The following LOXL2 variants were observed in gnomAD, a reference collection of about 807,000 sequenced individuals.
LOXL2 encodes lysyl oxidase like 2, also known as lysyl oxidase homolog 2.
Under a neutral mutation model 93.0 loss-of-function variants are expected in LOXL2, and 70 were observed. The observed-to-expected ratio is 0.75, with a 90% CI of 0.62 to 0.92. The LOEUF (loss-of-function observed/expected upper bound fraction) is 0.92. Ranked by LOEUF, LOXL2 falls within the 40% of genes least tolerant of loss-of-function variation. The pLI, the probability that LOXL2 is intolerant of heterozygous loss-of-function variation, is 0.00. For missense variants in LOXL2, 973 were observed against 1,054.9 expected, an observed-to-expected ratio of 0.92 and a Z score of 1.08; for synonymous variants, 438 against 413.2, an observed-to-expected ratio of 1.06 and a Z score of -0.73.
chr8:23,322,309 T>C (rs1383405739), intron 6 of LOXL2, 28 bp from the exon 7 acceptor site: 6 of 1,601,436 alleles, frequency 3.7e-6, no homozygotes, highest in South Asian at 1.1e-5. Flanking sequence ...ACATGCTCTA[T>C]GAAAGCTTTG....
rs560477875 is a variant in LOXL2 at position 23,297,963 on chromosome 8, G to A, written c.*80C>T. 44 of 1,247,316 alleles carry A rather than the reference G, an allele frequency of 3.5e-5. No homozygotes were observed. The East Asian group carries it at 5.2e-4, about 15-fold the overall frequency. The allele number at this position is 1,247,316 out of a possible 1,614,324, so 77.3% of individuals were successfully genotyped here. On this transcript the variant is annotated 3_prime_UTR_variant, in exon 14 of 14. Coordinates refer to ENST00000389131, the MANE Select transcript of LOXL2 (RefSeq NM_002318.3). Reference sequence around the variant, plus strand: ...GGCTGGGTGAGGGCACGTGGCATTCGTTCAGACTCAGTTGTTGGGGGGAAG... The same window carrying A: ...GGCTGGGTGAGGGCACGTGGCATTCATTCAGACTCAGTTGTTGGGGGGAAG...
In LOXL2 at chr8:23,383,809, C is replaced by T. The variant is rs374792514; in HGVS notation, c.-83-15375G>A. 7.5e-4 allele frequency among the ~76,000 whole-genome samples: 113 copies of T among 151,582 alleles called. 1 individual carries two copies. In the East Asian group the frequency reaches 0.011, roughly 14 times the overall value. On this transcript the variant is annotated intron_variant, in intron 1 of 13. Transcript: ENST00000389131. ...CCGAGTAGCTGGGACTACAGGCGCC[C>T]GCCACCACGCCCGGCTAATTTTTTG...
At chr8:23,350,974 C>A (rs1804083016) in intron 3 of LOXL2, among the ~76,000 whole-genome samples, 1 of 152,260 alleles carries the variant, frequency 6.6e-6, no homozygotes, top group South Asian at 2.1e-4. Context: ...GACCACCCAC[C>A]ACACAACCTC....
At chr8:23,303,903 A>T (rs62503969) in intron 10 of LOXL2, among the ~76,000 whole-genome samples, 29,991 of 152,266 alleles carry the variant, frequency 0.2, 3,397 homozygotes, top group Middle Eastern at 0.27. Flanking sequence ...AAGAACAGGA[A>T]TAGTAAGGAA....
intron 1 of LOXL2, chr8:23,382,450 A>G (rs11786197): frequency 0.62 from 92,833 of 150,164 alleles, 28,944 homozygotes; most frequent in East Asian, 0.72. Context: ...CCGGGAGGCA[A>G]AGCTTGCAGT....
chr8:23,340,969 C>A, intron 4 of LOXL2, 23 bp downstream of exon 4: 3 of 1,599,858 alleles, frequency 1.9e-6, no homozygotes, highest in Non-Finnish European at 2.6e-6. Context: ...CTCAAAGCCA[C>A]CCCTTTGGTG....
intron 2 of LOXL2, among the ~76,000 whole-genome samples, chr8:23,360,994 A>G (rs1804280977): frequency 1.3e-5 from 2 of 151,530 alleles, no homozygotes; most frequent in African/African-American, 4.9e-5. Context: ...TCCGCCTCCC[A>G]GGTTCAAGTG....
Position 23,319,960 on chromosome 8 carries a change from G to A in LOXL2, c.1395C>T (p.Gly465=), listed in dbSNP as rs200820551. 2.5e-4 allele frequency: 403 copies of A among 1,614,044 alleles called. 4 individuals carry two copies. In the East Asian group the frequency reaches 8.0e-3, roughly 32 times the overall value. ...TGGCCTCCACGATGCCCCAGTTTTG[G>A]CCACACACCATCCCCCACACAAGGG... ...NGSLVWGMVC[G]QNWGIVEAMV... is the part of the protein sequence containing the mutation. The change falls in exon 8 of 14, where the codon GGC becomes GGT. Residue 465 remains glycine, a synonymous_variant. Coordinates refer to ENST00000389131, the MANE Select transcript of LOXL2 (RefSeq NM_002318.3).
Position 23,330,972 on chromosome 8 carries a change from G to A in LOXL2, c.967-2407C>T, listed in dbSNP as rs75784684. On this transcript the variant is annotated intron_variant, in intron 5 of 13. Coordinates refer to ENST00000389131, the MANE Select transcript of LOXL2 (RefSeq NM_002318.3). ...CTGAAATTGCCAGGAAGTCACTCCT[G>A]ATAGTTCCCACTCCCTCTGGTTGAG... 8.3e-3 allele frequency among the ~76,000 whole-genome samples: 1,271 copies of A among 152,250 alleles called. 75 individuals carry two copies. In the East Asian group the frequency reaches 0.16, roughly 19 times the overall value.
At chr8:23,399,244 G>A (rs1407471586) in intron 1 of LOXL2, among the ~76,000 whole-genome samples, 1 of 152,192 alleles carries the variant, frequency 6.6e-6, no homozygotes, top group Non-Finnish European at 1.5e-5. Flanking sequence ...TTCTCCAGGG[G>A]GAAATGGACG....
intron 3 of LOXL2, among the ~76,000 whole-genome samples, chr8:23,344,359 C>T (rs73224461): frequency 0.19 from 29,164 of 151,646 alleles, 2,855 homozygotes; most frequent in South Asian, 0.24. Context: ...TGTGTATGTG[C>T]ATGGTGGTGT....
intron 1 of LOXL2, among the ~76,000 whole-genome samples, chr8:23,386,848 C>G (rs192432686): frequency 3.3e-4 from 50 of 152,298 alleles, no homozygotes; most frequent in Admixed American, 7.8e-4. Flanking sequence ...GCTCCCTCCA[C>G]ACGCTCCAAA....
At chr8:23,352,431 C>A (rs1042292063) in intron 3 of LOXL2, among the ~76,000 whole-genome samples, 1 of 152,080 alleles carries the variant, frequency 6.6e-6, no homozygotes, top group Admixed American at 6.5e-5. Flanking sequence ...TTTCCCCAAA[C>A]CACCCAGTGC....
chr8:23,382,491 T>G (rs1386917828), intron 1 of LOXL2: 2 of 132,458 alleles, frequency 1.5e-5, no homozygotes, highest in African/African-American at 5.9e-5. Context: ...TACTCCAGCC[T>G]GGGTGACAGA....
chr8:23,365,637 A>G (rs1279805262), intron 2 of LOXL2: 1 of 151,838 alleles, frequency 6.6e-6, no homozygotes, highest in African/African-American at 2.4e-5. Context: ...CTCTTCGTTA[A>G]TACACCTCCT....
chr8:23,391,295 A>G (rs1005728421), intron 1 of LOXL2, among the ~76,000 whole-genome samples: 1 of 152,210 alleles, frequency 6.6e-6, no homozygotes, highest in Non-Finnish European at 1.5e-5. Flanking sequence ...ACACATAACA[A>G]TTGGAAAAAC....
intron 8 of LOXL2, among the ~76,000 whole-genome samples, chr8:23,319,331 ACT>A (rs1190450598): frequency 2.0e-5 from 3 of 152,060 alleles, no homozygotes; most frequent in Non-Finnish European, 4.4e-5. Flanking sequence ...CAGCTGAGTC[ACT>A]CTCTTTGGAG....
At chr8:23,328,710 T>G (rs1803628063) in intron 5 of LOXL2, 145 bp from the exon 6 acceptor site, 1 of 294,272 alleles carries the variant, frequency 3.4e-6, no homozygotes, top group Admixed American at 7.0e-5. Flanking sequence ...GATGTATGGA[T>G]GTGTGTGTGT....
At chr8:23,357,091 G>T (rs138076715) in intron 3 of LOXL2, among the ~76,000 whole-genome samples, 1 of 150,762 alleles carries the variant, frequency 6.6e-6, no homozygotes, top group Non-Finnish European at 1.5e-5. Context: ...TTTTTTAGAC[G>T]GAGTCTCGCT....
Sources: allele counts gnomAD v4.1 joint callset (sites outside exome capture counted in the v4.1 genomes callset), GRCh38; gene constraint gnomAD v4.1.1; transcripts MANE v1.5; gene names NCBI Gene and HGNC (gene_info 2026-07-23, HGNC 2026-07-21).